Variants in CSMD1 observed in about 807,000 individuals in gnomAD.
CSMD1 encodes CUB and Sushi multiple domains 1, also known as CUB and sushi domain-containing protein 1.
Under a neutral mutation model 417.5 loss-of-function variants are expected in CSMD1, and 213 were observed. The ratio of observed to expected loss-of-function variants is 0.51; its 90% CI spans 0.46 to 0.57. The LOEUF (loss-of-function observed/expected upper bound fraction) is 0.57, where lower values mean the gene tolerates loss of function less well. Ranked by LOEUF, CSMD1 falls within the 20% of genes least tolerant of loss-of-function variation. The probability of loss-of-function intolerance (pLI) is 0.00; values close to 1 mark genes in which losing one functional copy is unlikely to be tolerated. For synonymous variants in CSMD1, 2,862 were observed against 1,736.8 expected, an observed-to-expected ratio of 1.65 and a Z score of -16.11; for missense variants, 6,923 against 4,529.7, an observed-to-expected ratio of 1.53 and a Z score of -15.17.
chr8:3,586,845 G>A (rs1315605345), intron 8 of CSMD1, among the ~76,000 whole-genome samples: 3 of 152,138 alleles, frequency 2.0e-5, no homozygotes, highest in Non-Finnish European at 2.9e-5. Flanking sequence ...TGTCACCCAG[G>A]CTGGAGTGCA....
At chr8:4,722,623 C>G (rs1268350713) in intron 1 of CSMD1, among the ~76,000 whole-genome samples, 1 of 151,976 alleles carries the variant, frequency 6.6e-6, no homozygotes, top group Non-Finnish European at 1.5e-5. Context: ...GTGCATAAGT[C>G]CACAGGCAAT....
intron 5 of CSMD1, among the ~76,000 whole-genome samples, chr8:3,940,614 C>A (rs977446723): frequency 6.6e-6 from 1 of 151,530 alleles, no homozygotes; most frequent in African/African-American, 2.4e-5. Flanking sequence ...TACACCACAA[C>A]ACTGCCAATC....
At chr8:4,680,997 A>AGG (rs1375698787) in intron 1 of CSMD1, among the ~76,000 whole-genome samples, 5 of 151,626 alleles carry the variant, frequency 3.3e-5, no homozygotes, top group African/African-American at 4.8e-5. Context: ...AGAGAGAGAG[A>AGG]GAGAGAATGA....
chr8:3,762,212 A>G (rs1009423159), intron 5 of CSMD1, among the ~76,000 whole-genome samples: 3 of 152,014 alleles, frequency 2.0e-5, no homozygotes, highest in Non-Finnish European at 2.9e-5. Context: ...GCAAAGCCCC[A>G]TGTGCCCTCC....
At chr8:4,653,672 A>C (rs770253965) in intron 1 of CSMD1, among the ~76,000 whole-genome samples, 1 of 152,122 alleles carries the variant, frequency 6.6e-6, no homozygotes, top group Non-Finnish European at 1.5e-5. Flanking sequence ...CCAGGAGTTA[A>C]GTTGCCCCAG....
intron 3 of CSMD1, among the ~76,000 whole-genome samples, chr8:4,083,478 G>A (rs557082417): frequency 6.6e-6 from 1 of 152,064 alleles, no homozygotes; most frequent in African/African-American, 2.4e-5. Context: ...GCATGGTACT[G>A]GTACCAAAAC....
intron 4 of CSMD1, among the ~76,000 whole-genome samples, chr8:4,025,750 A>G (rs1399601233): frequency 6.6e-6 from 1 of 152,176 alleles, no homozygotes; most frequent in Admixed American, 6.5e-5. Flanking sequence ...TTTAATGTCA[A>G]TGTGATGTTT....
chr8:4,904,046 T>C (rs1294340679), intron 1 of CSMD1, among the ~76,000 whole-genome samples: 9 of 152,180 alleles, frequency 5.9e-5, no homozygotes, highest in Non-Finnish European at 1.2e-4. Flanking sequence ...AGGACTGGCA[T>C]TAGTGTAAGA....
chr8:4,277,802 C>T (rs1463779564), intron 3 of CSMD1, among the ~76,000 whole-genome samples: 5 of 152,150 alleles, frequency 3.3e-5, no homozygotes, highest in Non-Finnish European at 5.9e-5. Context: ...GGCTGGAGTG[C>T]AGTCGTATAA....
intron 12 of CSMD1, among the ~76,000 whole-genome samples, chr8:3,423,662 G>C (rs1029478837): frequency 1.3e-5 from 2 of 152,188 alleles, no homozygotes; most frequent in Non-Finnish European, 2.9e-5. Context: ...GTTGTTTCCA[G>C]TTTGGGGCTA....
At chr8:4,592,126 G>A (rs532760070) in intron 2 of CSMD1, among the ~76,000 whole-genome samples, 7 of 151,814 alleles carry the variant, frequency 4.6e-5, no homozygotes, top group South Asian at 2.1e-4. Flanking sequence ...CTGGCATAAC[G>A]GATTCCTGAT....
At chr8:3,840,895 C>T (rs1004190580) in intron 5 of CSMD1, among the ~76,000 whole-genome samples, 4 of 151,786 alleles carry the variant, frequency 2.6e-5, no homozygotes, top group Middle Eastern at 6.3e-3. Context: ...TTAGTAGAGA[C>T]GAGGTTTCAC....
chr8:4,639,861 C>G (rs1425488769), intron 1 of CSMD1, among the ~76,000 whole-genome samples: 1 of 152,002 alleles, frequency 6.6e-6, no homozygotes, highest in Non-Finnish European at 1.5e-5. Flanking sequence ...AACCAGAGAA[C>G]TAATAAAAAG....
chr8:3,688,217 G>C (rs1404590145), intron 7 of CSMD1, among the ~76,000 whole-genome samples: 1 of 152,228 alleles, frequency 6.6e-6, no homozygotes, highest in Non-Finnish European at 1.5e-5. Context: ...GCATGCGTAA[G>C]TGGGCAAAGA....
Position 3,439,268 on chromosome 8 carries a change from T to A in CSMD1, c.1561+29444A>T, listed in dbSNP as rs1210136816. On this transcript the variant is annotated intron_variant, in intron 12 of 69. Coordinates refer to ENST00000635120, the MANE Select transcript of CSMD1 (RefSeq NM_033225.6). The stretch of plus-strand genomic sequence containing the variant: ...GACTCAACTTCTCTATTTGAGAGCA[T>A]TTGGCAATGTCAGTATATATATATA... Among the ~76,000 whole-genome samples, 19 of 134,090 alleles carry A rather than the reference T, an allele frequency of 1.4e-4. 1 individual carries two copies. Among genetic ancestry groups the A allele is most frequent in the Middle Eastern group, 3.8e-3 (1 of 264 alleles). The allele number at this position is 134,090 out of a possible 152,430, so 88.0% of individuals were successfully genotyped here. A position where few individuals can be genotyped will look rare whatever the true frequency, so the allele number is the denominator to read the frequency against.
chr8:4,322,270 A>G (rs112130483), intron 3 of CSMD1, among the ~76,000 whole-genome samples: 80 of 152,344 alleles, frequency 5.3e-4, no homozygotes, highest in Admixed American at 6.5e-5. Context: ...TAGTTTAAAC[A>G]TAAGTGAGAC....
In CSMD1 at chr8:2,963,085, G is replaced by A. The variant is rs565692757; in HGVS notation, c.9454+137C>T. ...CTGCCCTTAGGCAACACAGTCTCAA[G>A]TTTGAGTTTTTGTGTATTTTAGGGC... is the stretch of plus-strand genomic sequence containing the variant. On this transcript the variant is annotated intron_variant, in intron 60 of 69. Coordinates refer to ENST00000635120, the MANE Select transcript of CSMD1 (RefSeq NM_033225.6). 1.9e-4 allele frequency: 174 copies of A among 928,850 alleles called. No individual in the cohort carries two copies. The East Asian group carries it at 4.1e-3, about 22-fold the overall frequency. 57.5% of individuals were successfully genotyped at this position (928,850 alleles called of 1,614,324 possible).
chr8:3,272,246 T>A (rs374286798), intron 26 of CSMD1, among the ~76,000 whole-genome samples: 1 of 144,678 alleles, frequency 6.9e-6, no homozygotes, highest in African/African-American at 2.6e-5. Context: ...GTTGTAGATA[T>A]GCGGCGTTAT....
chr8:3,807,500 C>A (rs1268374900), intron 5 of CSMD1, among the ~76,000 whole-genome samples: 2 of 152,134 alleles, frequency 1.3e-5, no homozygotes, highest in African/African-American at 2.4e-5. Context: ...AACATGAATG[C>A]AGCATTACCA....
Sources: gnomAD v4.1 joint callset for allele counts (sites outside exome capture counted in the v4.1 genomes callset) on GRCh38, gnomAD v4.1.1 for gene constraint, MANE v1.5 for transcripts, NCBI Gene and HGNC (gene_info 2026-07-23, HGNC 2026-07-21) for gene names.